RBFOX1: variants seen among roughly 807,000 people sequenced by gnomAD.
RBFOX1 encodes RNA binding fox-1 homolog 1.
RBFOX1 carries 8 observed loss-of-function variants against 57.7 expected under a neutral mutation model. The observed-to-expected ratio is 0.14, with a 90% CI of 0.08 to 0.25. The LOEUF (loss-of-function observed/expected upper bound fraction) is 0.25, where lower values mean the gene tolerates loss of function less well. Ranked by LOEUF, RBFOX1 falls within the 10% of genes least tolerant of loss-of-function variation. The pLI, the probability that RBFOX1 is intolerant of heterozygous loss-of-function variation, is 1.00. For synonymous variants in RBFOX1, 326 were observed against 222.4 expected, an observed-to-expected ratio of 1.47 and a Z score of -4.15; for missense variants, 611 against 548.5, an observed-to-expected ratio of 1.11 and a Z score of -1.14.
intron 3 of RBFOX1, among the ~76,000 whole-genome samples, chr16:7,028,408 A>G (rs1248004453): frequency 6.6e-6 from 1 of 151,846 alleles, no homozygotes; most frequent in Non-Finnish European, 1.5e-5. Flanking sequence ...CTCTGCATGG[A>G]GGAAACCTGT....
intron 4 of RBFOX1, among the ~76,000 whole-genome samples, chr16:7,325,005 G>A (rs949448946): frequency 6.6e-6 from 1 of 152,192 alleles, no homozygotes; most frequent in Non-Finnish European, 1.5e-5. Flanking sequence ...GGACATAGAA[G>A]AAGGAGGTAA....
At chr16:5,694,456 C>A (rs1001754947) in intron 3 of RBFOX1, among the ~76,000 whole-genome samples, 1 of 152,152 alleles carries the variant, frequency 6.6e-6, no homozygotes. Context: ...CTGAATGATA[C>A]CCACTTGGTC....
At chr16:6,141,922 G>A (rs1204193980) in intron 1 of RBFOX1, among the ~76,000 whole-genome samples, 2 of 151,728 alleles carry the variant, frequency 1.3e-5, no homozygotes, top group African/African-American at 4.8e-5. Flanking sequence ...AGCCAGGTAT[G>A]GTGGCTCATG....
intron 11 of RBFOX1, among the ~76,000 whole-genome samples, chr16:7,646,436 A>T (rs2063753918): frequency 6.6e-6 from 1 of 152,226 alleles, no homozygotes; most frequent in Non-Finnish European, 1.5e-5. Flanking sequence ...CCTACCATAA[A>T]TTACCCACAG....
chr16:6,744,878 G>A (rs1276576115), intron 3 of RBFOX1, among the ~76,000 whole-genome samples: 4 of 151,960 alleles, frequency 2.6e-5, no homozygotes, highest in African/African-American at 9.7e-5. Flanking sequence ...AAAAATGGAG[G>A]AAATCTTTGA....
At chr16:6,071,886 T>C (rs993989785) in intron 1 of RBFOX1, among the ~76,000 whole-genome samples, 1 of 152,226 alleles carries the variant, frequency 6.6e-6, no homozygotes, top group Non-Finnish European at 1.5e-5. Flanking sequence ...GTCCTCCAGG[T>C]TCATAAATGT....
intron 4 of RBFOX1, among the ~76,000 whole-genome samples, chr16:7,074,086 C>T (rs2057868027): frequency 6.6e-6 from 1 of 152,168 alleles, no homozygotes; most frequent in Non-Finnish European, 1.5e-5. Context: ...ATATGGCCCA[C>T]AGAGCCTACA....
At chr16:6,831,353 T>C (rs2141051025) in intron 3 of RBFOX1, among the ~76,000 whole-genome samples, 1 of 152,334 alleles carries the variant, frequency 6.6e-6, no homozygotes, top group African/African-American at 2.4e-5. Flanking sequence ...AGATGATACG[T>C]ATTTTCTAGA....
chr16:5,262,223 G>C (rs200606624), intron 1 of RBFOX1, among the ~76,000 whole-genome samples: 5 of 151,860 alleles, frequency 3.3e-5, no homozygotes, highest in Non-Finnish European at 7.4e-5. Flanking sequence ...AGCAAGACAT[G>C]ATGGTTAGTG....
At chr16:7,654,067 C>T (rs1024527792) in intron 12 of RBFOX1, 120 bp downstream of exon 12, 8 of 1,083,744 alleles carry the variant, frequency 7.4e-6, no homozygotes, top group African/African-American at 4.9e-5. Context: ...CAGAACCGCC[C>T]CCAGCATGCA....
At position 6,481,384 on chromosome 16, in the gene RBFOX1, G is replaced by C. The variant is rs142313077; in HGVS notation, c.-64+164327G>C. Reference sequence around the variant, plus strand: ...AACCAGGTCTGGCAACATCTGCCAAGGTTGTCACGCTCTGTGATTAAATGG... The same window carrying C: ...AACCAGGTCTGGCAACATCTGCCAACGTTGTCACGCTCTGTGATTAAATGG... On this transcript the variant is annotated intron_variant, in intron 2 of 15. Coordinates refer to ENST00000550418, the MANE Select transcript of RBFOX1 (RefSeq NM_018723.4). 2.8e-3 allele frequency among the ~76,000 whole-genome samples: 425 copies of C among 152,350 alleles called. 4 individuals carry two copies. The highest frequency in any genetic ancestry group is 9.6e-3 in the African/African-American group (401 of 41,580).
chr16:6,568,248 G>A (rs1442851947), intron 2 of RBFOX1, among the ~76,000 whole-genome samples: 1 of 152,174 alleles, frequency 6.6e-6, no homozygotes, highest in East Asian at 1.9e-4. Context: ...CTTGTGAGGT[G>A]GTGGTTCAGT....
chr16:6,115,460 A>G (rs1029976231), intron 1 of RBFOX1, among the ~76,000 whole-genome samples: 5 of 152,208 alleles, frequency 3.3e-5, no homozygotes, highest in African/African-American at 1.2e-4. Flanking sequence ...GTCTTAACAG[A>G]GTAGCCCTTT....
chr16:5,605,714 G>T (rs1409026799), intron 3 of RBFOX1, among the ~76,000 whole-genome samples: 1 of 152,004 alleles, frequency 6.6e-6, no homozygotes, highest in Non-Finnish European at 1.5e-5. Context: ...CTCAGGTCTA[G>T]GAGGGGAGAG....
chr16:7,044,901 T>G (rs571709575), intron 3 of RBFOX1, among the ~76,000 whole-genome samples: 16 of 152,036 alleles, frequency 1.1e-4, no homozygotes, highest in Non-Finnish European at 2.2e-4. Context: ...ATGGAGAAAA[T>G]TTTTTAAGAG....
chr16:6,371,228 A>G (rs13331445), intron 2 of RBFOX1, among the ~76,000 whole-genome samples: 59,675 of 152,000 alleles, frequency 0.39, 12,131 homozygotes, highest in South Asian at 0.61. Flanking sequence ...ATTTGTCATC[A>G]ATCCTTCATT....
chr16:6,475,811 G>C (rs1007054938), intron 2 of RBFOX1, among the ~76,000 whole-genome samples: 2 of 152,166 alleles, frequency 1.3e-5, no homozygotes, highest in Non-Finnish European at 2.9e-5. Flanking sequence ...TAATATTACT[G>C]TATTGTGAGG....
At chr16:7,115,900 C>G (rs2065805326) in intron 4 of RBFOX1, among the ~76,000 whole-genome samples, 1 of 152,172 alleles carries the variant, frequency 6.6e-6, no homozygotes, top group South Asian at 2.1e-4. Flanking sequence ...CATAAAATAG[C>G]AGTGATGCGT....
chr16:6,988,112 C>G (rs960130042), intron 3 of RBFOX1, among the ~76,000 whole-genome samples: 3 of 146,414 alleles, frequency 2.0e-5, no homozygotes, highest in African/African-American at 5.0e-5. Flanking sequence ...ATCCAGAGAG[C>G]ACTGAGAACA....
Sources: allele counts gnomAD v4.1 joint callset (sites outside exome capture counted in the v4.1 genomes callset), GRCh38; gene constraint gnomAD v4.1.1; transcripts MANE v1.5; gene names NCBI Gene and HGNC (gene_info 2026-07-23, HGNC 2026-07-21).